LHX8: variants seen among roughly 807,000 people sequenced by gnomAD.
The protein encoded by LHX8 is LIM/homeobox protein Lhx8.
Under a neutral mutation model 40.3 loss-of-function variants are expected in LHX8, and 12 were observed. That is an observed-to-expected ratio of 0.30 (90% CI 0.19 to 0.48). LHX8 has a LOEUF of 0.48. Among genes scored for constraint, LHX8 ranks in the 20% least tolerant of loss-of-function variants. LHX8 has a pLI of 0.99. For missense variants in LHX8, 344 were observed against 433.7 expected, an observed-to-expected ratio of 0.79 and a Z score of 1.84; for synonymous variants, 179 against 162.0, an observed-to-expected ratio of 1.10 and a Z score of -0.80.
the LHX8 span, among the ~76,000 whole-genome samples, chr1:75,179,276 A>T: frequency 6.6e-6 from 1 of 152,102 alleles, no homozygotes; most frequent in Non-Finnish European, 1.5e-5. Context: ...GTGGTGTGTT[A>T]AAGTCTCCCA....
chr1:75,183,992 A>G, the LHX8 span, among the ~76,000 whole-genome samples: 1 of 152,220 alleles, frequency 6.6e-6, no homozygotes. Flanking sequence ...TTTCAGACAA[A>G]ACAGATTTTA....
intron 7 of LHX8, among the ~76,000 whole-genome samples, chr1:75,153,629 C>A (rs898343016): frequency 6.6e-6 from 1 of 151,958 alleles, no homozygotes; most frequent in Admixed American, 6.6e-5. Flanking sequence ...CCAGGCTGGT[C>A]TTGAACTCCT....
At chr1:75,173,609 C>T in the LHX8 span, among the ~76,000 whole-genome samples, 1 of 151,882 alleles carries the variant, frequency 6.6e-6, no homozygotes, top group East Asian at 1.9e-4. Flanking sequence ...GTCTCGATCT[C>T]GTGACCTCGT....
In LHX8 at chr1:75,160,995, A is replaced by T; in HGVS notation, c.*100A>T. The T allele has an allele frequency of 1.1e-6, 1 of 904,540 alleles. No homozygotes were observed. The highest frequency in any genetic ancestry group is 1.8e-6 in the Non-Finnish European group (1 of 553,730). 56.0% of individuals were successfully genotyped at this position (904,540 alleles called of 1,614,324 possible). The stretch of plus-strand genomic sequence containing the variant: ...TATTACTGTTAATTTTTTATTTAAC[A>T]CCTAAAGCATTTCCAACATCACTTT... On this transcript the variant is annotated 3_prime_UTR_variant, in exon 9 of 9. Transcript: ENST00000356261.
chr1:75,148,083 C>T (rs1373335543), intron 6 of LHX8, among the ~76,000 whole-genome samples: 1 of 151,498 alleles, frequency 6.6e-6, no homozygotes. Context: ...TTTTTTTTTG[C>T]ATAGAGCTAG....
At chr1:75,195,092 A>G in the LHX8 span, among the ~76,000 whole-genome samples, 1 of 152,186 alleles carries the variant, frequency 6.6e-6, no homozygotes, top group Non-Finnish European at 1.5e-5. Context: ...ATCTCTATCT[A>G]TATAATTTGT....
intron 6 of LHX8, among the ~76,000 whole-genome samples, chr1:75,146,705 CTTTT>C (rs1648468439): frequency 6.6e-6 from 1 of 151,936 alleles, no homozygotes. Context: ...CCTCTTTTTT[CTTTT>C]TGTGTGTGTG....
the LHX8 span, among the ~76,000 whole-genome samples, chr1:75,189,866 C>T: frequency 1.3e-5 from 2 of 152,140 alleles, no homozygotes; most frequent in African/African-American, 4.8e-5. Context: ...TACTGAATAT[C>T]GCCTAACACT....
chr1:75,176,524 A>AT, the LHX8 span, among the ~76,000 whole-genome samples: 6 of 151,782 alleles, frequency 4.0e-5, no homozygotes, highest in Admixed American at 6.6e-5. Flanking sequence ...GGGTCCTTTG[A>AT]TTTTTTTCTT....
At chr1:75,150,487 G>A (rs1648576403) in intron 7 of LHX8, among the ~76,000 whole-genome samples, 1 of 152,078 alleles carries the variant, frequency 6.6e-6, no homozygotes, top group Admixed American at 6.5e-5. Context: ...TATAAAAGGT[G>A]AAGAACGGGT....
At chr1:75,140,710 A>C (rs1216994653) in intron 3 of LHX8, among the ~76,000 whole-genome samples, 1 of 152,210 alleles carries the variant, frequency 6.6e-6, no homozygotes, top group Non-Finnish European at 1.5e-5. Context: ...AAAGAAAGAA[A>C]AAGCAACCTG....
At chr1:75,138,146 T>C (rs1440653835) in intron 3 of LHX8, among the ~76,000 whole-genome samples, 2 of 152,232 alleles carry the variant, frequency 1.3e-5, no homozygotes, top group Admixed American at 1.3e-4. Flanking sequence ...GTGCAGATCA[T>C]GGTCCCATGT....
chr1:75,147,014 T>G (rs1648476895), intron 6 of LHX8, among the ~76,000 whole-genome samples: 1 of 152,196 alleles, frequency 6.6e-6, no homozygotes, highest in South Asian at 2.1e-4. Context: ...TCGTTCTTTT[T>G]GGGGTTATTA....
rs1648423780 is a variant in LHX8, at chr1:75,145,038, T to G, written c.684+1090T>G. On this transcript the variant is annotated intron_variant, in intron 6 of 8. Transcript: ENST00000356261. ...CTCTAGCATTAAAATCTAGATCCAT[T>G]CAGAAGAATTTTCCAAATGGATGAT... Among the ~76,000 whole-genome samples the G allele has an allele frequency of 2.0e-5, 3 of 152,080 alleles. No individual in the cohort carries two copies. In the South Asian group the frequency reaches 6.2e-4, roughly 31 times the overall value.
chr1:75,135,504 G>A (rs1557484806), intron 1 of LHX8, among the ~76,000 whole-genome samples: 1 of 152,190 alleles, frequency 6.6e-6, no homozygotes, highest in Non-Finnish European at 1.5e-5. Context: ...CTCGGCCGAC[G>A]GTCCGGGAGG....
chr1:75,151,694 G>T (rs1278045711), intron 7 of LHX8, among the ~76,000 whole-genome samples: 2 of 152,172 alleles, frequency 1.3e-5, no homozygotes, highest in Admixed American at 1.3e-4. Flanking sequence ...GACTCCACGG[G>T]CTAAAAGTTC....
chr1:75,191,525 C>G, the LHX8 span, among the ~76,000 whole-genome samples: 1 of 152,110 alleles, frequency 6.6e-6, no homozygotes, highest in Non-Finnish European at 1.5e-5. Flanking sequence ...AGGGAGGGAG[C>G]CAACCGCAGC....
At position 75,143,217 on chromosome 1, in the gene LHX8, C is replaced by T; in HGVS notation, c.459C>T (p.Ala153=). 1 of 1,613,798 alleles carries T rather than the reference C, an allele frequency of 6.2e-7. No homozygotes were observed. The highest frequency in any genetic ancestry group is 8.5e-7 in the Non-Finnish European group (1 of 1,179,778). ...KGNVYHLACF[A]CFSCKRQLST... is the part of the protein sequence containing the mutation. ...ATGTCTATCACTTGGCATGCTTTGC[C>T]TGCTTTTCCTGCAAAAGGCAACTTT... The change falls in exon 5 of 9, where the codon GCC becomes GCT. Residue 153 remains alanine (A), a synonymous_variant. Transcript: ENST00000356261.
chr1:75,129,529 C>T (rs916388670), upstream of LHX8, among the ~76,000 whole-genome samples: 6 of 151,932 alleles, frequency 3.9e-5, no homozygotes, highest in South Asian at 4.2e-4. Flanking sequence ...TGTGGGCGGT[C>T]GGCGCAGGCT....
Sources: allele counts gnomAD v4.1 joint callset (sites outside exome capture counted in the v4.1 genomes callset), GRCh38; gene constraint gnomAD v4.1.1; transcripts MANE v1.5; gene names NCBI Gene and HGNC (gene_info 2026-07-23, HGNC 2026-07-21).